MTREX: variants seen among roughly 807,000 people sequenced by gnomAD.
MTREX encodes exosome RNA helicase MTR4.
MTREX carries 76 observed loss-of-function variants against 135.4 expected under a neutral mutation model. The ratio of observed to expected loss-of-function variants is 0.56; its 90% CI spans 0.47 to 0.68. The LOEUF is 0.68. Ranked by LOEUF, MTREX falls within the 30% of genes least tolerant of loss-of-function variation. The pLI is 0.00. For synonymous variants in MTREX, 404 were observed against 401.6 expected (o/e 1.01, Z -0.07); for missense variants, 920 against 1,262.1 (o/e 0.73, Z 4.11).
intron 3 of MTREX, among the ~76,000 whole-genome samples, chr5:55,325,347 T>G (rs1332351837): frequency 6.6e-6 from 1 of 150,606 alleles, no homozygotes; most frequent in African/African-American, 2.4e-5. Flanking sequence ...TTGTTTTTTT[T>G]TTTTTTAAGA....
chr5:55,321,574 C>G (rs1198412965), intron 1 of MTREX, among the ~76,000 whole-genome samples: 1 of 150,940 alleles, frequency 6.6e-6, no homozygotes, highest in Admixed American at 6.6e-5. Flanking sequence ...ATTGAATTCC[C>G]CTATGGATAT....
Position 55,366,798 on chromosome 5 carries a change from A to C in MTREX, c.1733A>C (p.Glu578Ala), listed in dbSNP as rs765349328. Reference protein sequence around the residue: ...NMVLNLLRVEEINPEYMLEKS... With the variant: ...NMVLNLLRVEAINPEYMLEKS... ...GTTTTGAACTTACTACGTGTAGAAGAAATTAATCCTGAGTACATGTTGGAA... is the reference window on the plus strand; with the variant it reads ...GTTTTGAACTTACTACGTGTAGAAGCAATTAATCCTGAGTACATGTTGGAA... The change falls in exon 16 of 27, where the codon GAA becomes GCA. Residue 578 changes from glutamate to alanine, a missense_variant. This residue lies in a region of MTREX where 467 missense variants were observed against 589.7 expected (regional missense o/e 0.79). Coordinates refer to ENST00000230640, the MANE Select transcript of MTREX (RefSeq NM_015360.5). 2 of 1,611,370 alleles carry C rather than the reference A, an allele frequency of 1.2e-6. No individual in the cohort carries two copies. Among genetic ancestry groups the C allele is most frequent in the East Asian group, 4.5e-5 (2 of 44,812 alleles).
At chr5:55,327,386 T>C (rs1579850832) in intron 3 of MTREX, 1 of 193,832 alleles carries the variant, frequency 5.2e-6, no homozygotes, top group East Asian at 1.3e-4. Flanking sequence ...CTTTCTGTTC[T>C]ATGTTGTTTT....
chr5:55,341,459 A>G (rs2112057231), intron 6 of MTREX, among the ~76,000 whole-genome samples: 1 of 152,308 alleles, frequency 6.6e-6, no homozygotes, highest in South Asian at 2.1e-4. Context: ...TTTGCTTTTT[A>G]TGAGAAAAGG....
intron 1 of MTREX, among the ~76,000 whole-genome samples, chr5:55,309,484 A>G (rs1039873981): frequency 6.6e-6 from 1 of 152,190 alleles, no homozygotes; most frequent in Non-Finnish European, 1.5e-5. Context: ...TGGCAGAGGA[A>G]TGGAAAGGTA....
chr5:55,340,890 G>T (rs1749638356), intron 6 of MTREX, among the ~76,000 whole-genome samples: 1 of 152,068 alleles, frequency 6.6e-6, no homozygotes, highest in Non-Finnish European at 1.5e-5. Flanking sequence ...CCAAGTAACT[G>T]ATTTTTTAGA....
At chr5:55,387,237 A>C (rs895667955) in intron 18 of MTREX, among the ~76,000 whole-genome samples, 2 of 151,996 alleles carry the variant, frequency 1.3e-5, no homozygotes, top group African/African-American at 4.8e-5. Context: ...ATTCTTGTTA[A>C]ACAGTTGGTA....
chr5:55,416,608 G>A (rs999215343), intron 25 of MTREX, among the ~76,000 whole-genome samples: 4 of 152,042 alleles, frequency 2.6e-5, no homozygotes, highest in African/African-American at 9.7e-5. Flanking sequence ...AAGAATAATT[G>A]TTACTCAACT....
chr5:55,353,182 G>A lies in MTREX; in HGVS notation c.1446G>A (p.Thr482=), dbSNP rs757028855. 7.5e-5 allele frequency: 119 copies of A among 1,594,898 alleles called. 1 individual carries two copies. The highest frequency in any genetic ancestry group is 5.2e-5 in the Admixed American group (3 of 57,260). Reference sequence around the variant, plus strand: ...TATTTACTTAGGCCTTATTTGCCACGGAGACCTTTGCTATGGGAATTAACA... The same window carrying A: ...TATTTACTTAGGCCTTATTTGCCACAGAGACCTTTGCTATGGGAATTAACA... ...SEGLIKALFA[T]ETFAMGINMP... Residue 482 remains threonine, a synonymous_variant, in exon 14 of 27, where the codon ACG becomes ACA. Transcript: ENST00000230640.
intron 12 of MTREX, 64 bp downstream of exon 12, chr5:55,349,716 A>G: frequency 1.1e-6 from 1 of 893,122 alleles, no homozygotes; most frequent in South Asian, 1.4e-5. Flanking sequence ...TTCACTTTAC[A>G]TTGCTTGGTT....
intron 16 of MTREX, among the ~76,000 whole-genome samples, chr5:55,374,182 A>G (rs368846844): frequency 6.6e-6 from 1 of 151,768 alleles, no homozygotes; most frequent in Non-Finnish European, 1.5e-5. Context: ...GGATGAACCC[A>G]GGAGGCAGAG....
chr5:55,425,575 T>G lies in MTREX; in HGVS notation c.*803T>G. ...TGCCAATACTGAATAAAAGAGTTAT[T>G]TCTACATGTGAATTAGTTTTTTCAA... On this transcript the variant is annotated 3_prime_UTR_variant, in exon 27 of 27. Coordinates refer to ENST00000230640, the MANE Select transcript of MTREX (RefSeq NM_015360.5). 2.2e-6 allele frequency: 1 copy of G among 456,000 alleles called. No homozygotes were observed. The allele number at this position is 456,000 out of a possible 1,614,324, so 28.2% of individuals were successfully genotyped here.
Position 55,366,722 on chromosome 5 carries a change from T to A in MTREX, c.1660-3T>A, listed in dbSNP as rs761796643. Reference sequence around the variant, plus strand: ...CAAAATTGACATTTTTTTTCTCTCTTAGGGCTCCGCTGATCCTCTAAATAG... The same window carrying A: ...CAAAATTGACATTTTTTTTCTCTCTAAGGGCTCCGCTGATCCTCTAAATAG... On this transcript the variant is annotated splice_region_variant and splice_polypyrimidine_tract_variant and intron_variant, in intron 15 of 26. Coordinates refer to ENST00000230640, the MANE Select transcript of MTREX (RefSeq NM_015360.5). 5 of 1,567,276 alleles carry A rather than the reference T, an allele frequency of 3.2e-6. No individual in the cohort carries two copies. The South Asian group carries it at 6.2e-5, about 19-fold the overall frequency.
At position 55,388,021 on chromosome 5, in the gene MTREX, G is replaced by C; in HGVS notation, c.2100G>C (p.Leu700=). The C allele has an allele frequency of 6.2e-7, 1 of 1,608,228 alleles. No homozygotes were observed. Among genetic ancestry groups the C allele is most frequent in the Non-Finnish European group, 8.5e-7 (1 of 1,175,876 alleles). The change falls in exon 19 of 27, where the codon CTG becomes CTC. Residue 700 remains leucine, a synonymous_variant. Coordinates refer to ENST00000230640, the MANE Select transcript of MTREX (RefSeq NM_015360.5). The part of the protein sequence containing the change: ...LDPLYVVEVL[L]RCSKESLKNS... ...CTTTGTATGTAGTAGAAGTACTTCT[G>C]CGCTGTAGCAAAGAGAGCTTGAAAA...
chr5:55,361,892 C>CTTG (rs748985205), intron 15 of MTREX, among the ~76,000 whole-genome samples: 1 of 147,232 alleles, frequency 6.8e-6, no homozygotes, highest in Non-Finnish European at 1.5e-5. Flanking sequence ...CATACCCAGC[C>CTTG]TTGTTGTTGT....
At chr5:55,413,050 A>G (rs574708945) in intron 23 of MTREX, among the ~76,000 whole-genome samples, 1 of 152,246 alleles carries the variant, frequency 6.6e-6, no homozygotes, top group East Asian at 1.9e-4. Flanking sequence ...TTTAAAAAAA[A>G]AAAATTAGCG....
At chr5:55,423,045 C>A in intron 26 of MTREX, 63 bp downstream of exon 26, 1 of 1,257,504 alleles carries the variant, frequency 8.0e-7, no homozygotes, top group Non-Finnish European at 1.1e-6. Context: ...AATCTTGAGC[C>A]CTGGACCACA....
At chr5:55,357,906 A>G (rs993629790) in intron 14 of MTREX, among the ~76,000 whole-genome samples, 3 of 152,206 alleles carry the variant, frequency 2.0e-5, no homozygotes, top group Non-Finnish European at 2.9e-5. Flanking sequence ...CCAAGCATAC[A>G]TACCAAGAAA....
intron 19 of MTREX, among the ~76,000 whole-genome samples, chr5:55,391,637 G>C (rs1476460632): frequency 6.6e-6 from 1 of 152,162 alleles, no homozygotes; most frequent in East Asian, 1.9e-4. Context: ...TCTGACTGCT[G>C]TTCTTTGTTC....
Sources: gnomAD v4.1 joint callset for allele counts (sites outside exome capture counted in the v4.1 genomes callset) on GRCh38, gnomAD v4.1.1 for gene constraint, gnomAD v4.1.1 regional missense constraint, MANE v1.5 for transcripts, NCBI Gene and HGNC (gene_info 2026-07-23, HGNC 2026-07-21) for gene names.